The following SULF1 variants were observed in gnomAD, a reference collection of about 807,000 sequenced individuals.
SULF1 encodes the protein extracellular sulfatase Sulf-1.
SULF1 carries 46 observed loss-of-function variants against 110.5 expected under a neutral mutation model. The ratio of observed to expected loss-of-function variants is 0.42; its 90% CI spans 0.33 to 0.53. SULF1 has a LOEUF of 0.53. Ranked by LOEUF, SULF1 falls within the 20% of genes least tolerant of loss-of-function variation. The pLI, the probability that SULF1 is intolerant of heterozygous loss-of-function variation, is 0.12. For missense variants in SULF1, 941 were observed against 1,094.2 expected (o/e 0.86, Z 1.98); for synonymous variants, 371 against 387.1 (o/e 0.96, Z 0.49).
At chr8:69,496,419 TGAC>T (rs1810362120) in intron 2 of SULF1, among the ~76,000 whole-genome samples, 1 of 152,264 alleles carries the variant, frequency 6.6e-6, no homozygotes, top group Non-Finnish European at 1.5e-5. Context: ...AAATCATCTT[TGAC>T]TTTTGAAATG....
intron 13 of SULF1, among the ~76,000 whole-genome samples, chr8:69,613,853 T>C (rs1459806346): frequency 6.6e-6 from 1 of 152,082 alleles, no homozygotes; most frequent in Non-Finnish European, 1.5e-5. Flanking sequence ...CAATCTATTC[T>C]CATGACTATC....
rs771462378 is a variant in SULF1, at chr8:69,624,215, G to T, written c.1850+18G>T. ...ACACACAAGTAAGAAAGCTTTATTTGTTCACTAGGGTTGAGTTCAGAATTA... is the reference window on the plus strand; with the variant it reads ...ACACACAAGTAAGAAAGCTTTATTTTTTCACTAGGGTTGAGTTCAGAATTA... On this transcript the variant is annotated intron_variant, in intron 15 of 22. Coordinates refer to ENST00000402687, the MANE Select transcript of SULF1 (RefSeq NM_001128205.2). 6.5e-7 allele frequency: 1 copy of T among 1,545,114 alleles called. No individual in the cohort carries two copies. Among genetic ancestry groups the T allele is most frequent in the Admixed American group, 2.0e-5 (1 of 50,506 alleles).
chr8:69,528,636 G>T (rs1334373125), intron 3 of SULF1, among the ~76,000 whole-genome samples: 3 of 152,166 alleles, frequency 2.0e-5, no homozygotes, highest in African/African-American at 7.2e-5. Context: ...AGAAGAAAGG[G>T]TCATACCAGT....
Position 69,660,869 on chromosome 8 carries a change from AG to A in SULF1, c.*2335del, listed in dbSNP as rs1813053904. 6.6e-6 allele frequency: 1 copy of A among 152,656 alleles called. No individual in the cohort carries two copies. The highest frequency in any genetic ancestry group is 2.4e-5 in the African/African-American group (1 of 41,460). 9.5% of individuals were successfully genotyped at this position (152,656 alleles called of 1,614,324 possible). ...TATAGAACAATTCTGGCTTCAGGAA[AG>A]TCTAGAAGCAATATTTCTTCAAATA... On this transcript the variant is annotated 3_prime_UTR_variant, in exon 23 of 23. Coordinates refer to ENST00000402687, the MANE Select transcript of SULF1 (RefSeq NM_001128205.2).
intron 1 of SULF1, among the ~76,000 whole-genome samples, chr8:69,471,795 C>A (rs372882611): frequency 6.6e-6 from 1 of 152,140 alleles, no homozygotes; most frequent in African/African-American, 2.4e-5. Context: ...AGTGCATATC[C>A]AATATTGTAT....
intron 10 of SULF1, among the ~76,000 whole-genome samples, chr8:69,602,550 G>A (rs182519912): frequency 3.9e-5 from 6 of 152,344 alleles, no homozygotes; most frequent in East Asian, 1.9e-4. Flanking sequence ...GGCAGACAGC[G>A]TCAGTGCCCC....
At chr8:69,588,719 C>T (rs1458132068) in intron 7 of SULF1, among the ~76,000 whole-genome samples, 4 of 151,896 alleles carry the variant, frequency 2.6e-5, no homozygotes, top group Non-Finnish European at 5.9e-5. Flanking sequence ...TTTTTTTCCC[C>T]ATTGCTAAGT....
At chr8:69,542,105 C>T (rs1813892354) in intron 3 of SULF1, among the ~76,000 whole-genome samples, 1 of 152,174 alleles carries the variant, frequency 6.6e-6, no homozygotes, top group Non-Finnish European at 1.5e-5. Context: ...TCCCCTAACA[C>T]CTTCTTCCCA....
At position 69,536,792 on chromosome 8, in the gene SULF1, C is replaced by T. The variant is rs1022928702; in HGVS notation, c.-133-26747C>T. Among the ~76,000 whole-genome samples the T allele has an allele frequency of 2.0e-5, 3 of 152,158 alleles. No individual in the cohort carries two copies. In the East Asian group the frequency reaches 5.8e-4, roughly 29 times the overall value. On this transcript the variant is annotated intron_variant, in intron 3 of 22. Coordinates refer to ENST00000402687, the MANE Select transcript of SULF1 (RefSeq NM_001128205.2). ...TTTTTAGGCCAATGTGTCGAACTCACACTCTCATAAGCAAGACATGGAGTG... is the reference window on the plus strand; with the variant it reads ...TTTTTAGGCCAATGTGTCGAACTCATACTCTCATAAGCAAGACATGGAGTG...
intron 17 of SULF1, 120 bp from the exon 18 acceptor site, chr8:69,628,051 G>A (rs1411803492): frequency 1.0e-6 from 1 of 971,476 alleles, no homozygotes. Context: ...GTCACATTCA[G>A]CTAAAATACT....
At chr8:69,556,333 G>T (rs1256032230) in intron 3 of SULF1, among the ~76,000 whole-genome samples, 1 of 152,112 alleles carries the variant, frequency 6.6e-6, no homozygotes, top group Non-Finnish European at 1.5e-5. Context: ...AAGTGAACTG[G>T]GTCACTTCCA....
chr8:69,493,005 G>C lies in SULF1; in HGVS notation c.-511G>C, dbSNP rs1810040898. ...GCTCCTCGGAGGTCAGGGCAGATGA[G>C]GAACATGACTCTCCCCCTTCGGAGG... On this transcript the variant is annotated 5_prime_UTR_variant, in exon 1 of 23. Transcript: ENST00000402687. The C allele has an allele frequency of 6.6e-6, 1 of 152,602 alleles. No individual in the cohort carries two copies. Among genetic ancestry groups the C allele is most frequent in the South Asian group, 2.1e-4 (1 of 4,824 alleles). The allele number at this position is 152,602 out of a possible 1,614,324, so 9.5% of individuals were successfully genotyped here.
chr8:69,543,625 G>T (rs1814016310), intron 3 of SULF1, among the ~76,000 whole-genome samples: 1 of 152,094 alleles, frequency 6.6e-6, no homozygotes, highest in Admixed American at 6.5e-5. Flanking sequence ...GTCTATCACT[G>T]ATGGGCATTT....
At chr8:69,554,997 A>C (rs963638801) in intron 3 of SULF1, among the ~76,000 whole-genome samples, 5 of 68,900 alleles carry the variant, frequency 7.3e-5, no homozygotes, top group South Asian at 4.8e-4. Flanking sequence ...AAAAAAAAAA[A>C]ACAAAAAAAA....
chr8:69,503,387 A>T (rs368354109), intron 3 of SULF1, among the ~76,000 whole-genome samples: 1 of 152,212 alleles, frequency 6.6e-6, no homozygotes, highest in South Asian at 2.1e-4. Flanking sequence ...GTAAGAGAAG[A>T]TAAGTTGAAA....
intron 3 of SULF1, among the ~76,000 whole-genome samples, chr8:69,556,661 A>G (rs1228083994): frequency 2.0e-5 from 3 of 152,150 alleles, no homozygotes; most frequent in African/African-American, 7.2e-5. Context: ...AATGTAATAA[A>G]CCTTATATTT....
At chr8:69,631,588 C>T (rs1375279759) in intron 19 of SULF1, among the ~76,000 whole-genome samples, 1 of 152,230 alleles carries the variant, frequency 6.6e-6, no homozygotes, top group African/African-American at 2.4e-5. Context: ...AAATCCTTAA[C>T]ATATCCAACA....
chr8:69,659,228 CG>C lies in SULF1; in HGVS notation c.*697del, dbSNP rs1196228837. ...GAACACCGAAGTAATTCCAGCATAGCGGGGAAGATGTTGACCAAGGTGGAGA... is the reference window on the plus strand; with the variant it reads ...GAACACCGAAGTAATTCCAGCATAGCGGGAAGATGTTGACCAAGGTGGAGA... On this transcript the variant is annotated 3_prime_UTR_variant, in exon 23 of 23. Transcript: ENST00000402687. The C allele has an allele frequency of 2.2e-6, 1 of 456,244 alleles. No individual in the cohort carries two copies. The highest frequency in any genetic ancestry group is 4.4e-6 in the Non-Finnish European group (1 of 226,828). The allele number at this position is 456,244 out of a possible 1,614,324, so 28.3% of individuals were successfully genotyped here.
intron 22 of SULF1, among the ~76,000 whole-genome samples, chr8:69,646,482 G>A (rs984614525): frequency 3.3e-5 from 5 of 150,160 alleles, no homozygotes; most frequent in Admixed American, 2.0e-4. Context: ...CTGGAGGGCC[G>A]TGGCACCATC....
Sources: gnomAD v4.1 joint callset for allele counts (sites outside exome capture counted in the v4.1 genomes callset) on GRCh38, gnomAD v4.1.1 for gene constraint, MANE v1.5 for transcripts, NCBI Gene and HGNC (gene_info 2026-07-23, HGNC 2026-07-21) for gene names.